The following AAK1 variants were observed in gnomAD, a reference collection of about 807,000 sequenced individuals.
AAK1 encodes AP2-associated protein kinase 1.
In AAK1, 37 loss-of-function variants were observed where a neutral mutation model predicts 116.0. The observed-to-expected ratio is 0.32, with a 90% CI of 0.25 to 0.42. The LOEUF (loss-of-function observed/expected upper bound fraction) is 0.42, where lower values mean the gene tolerates loss of function less well. Ranked by LOEUF, AAK1 falls within the 10% of genes least tolerant of loss-of-function variation. The pLI, the probability that AAK1 is intolerant of heterozygous loss-of-function variation, is 1.00. For synonymous variants in AAK1, 458 were observed against 439.9 expected, an observed-to-expected ratio of 1.04 and a Z score of -0.51; for missense variants, 919 against 1,170.6, an observed-to-expected ratio of 0.79 and a Z score of 3.14.
chr2:69,539,397 A>G (rs61430106), intron 5 of AAK1, among the ~76,000 whole-genome samples: 1 of 150,934 alleles, frequency 6.6e-6, no homozygotes, highest in Non-Finnish European at 1.5e-5. Context: ...ACCCCATTTG[A>G]CATGGAAGGG....
At chr2:69,537,785 T>A (rs559731915) in intron 5 of AAK1, among the ~76,000 whole-genome samples, 3 of 152,162 alleles carry the variant, frequency 2.0e-5, no homozygotes, top group South Asian at 4.1e-4. Context: ...CAGACAGCAA[T>A]AAAATCTAAC....
intron 2 of AAK1, among the ~76,000 whole-genome samples, chr2:69,610,593 A>G (rs1198654591): frequency 2.0e-5 from 3 of 152,262 alleles, no homozygotes; most frequent in Non-Finnish European, 4.4e-5. Flanking sequence ...GAAATACTGT[A>G]TTTATAAATC....
chr2:69,609,317 T>C (rs1673956187), intron 2 of AAK1, among the ~76,000 whole-genome samples: 1 of 152,044 alleles, frequency 6.6e-6, no homozygotes, highest in Non-Finnish European at 1.5e-5. Flanking sequence ...GAGCCAAGAT[T>C]GTGCCACTAC....
At position 69,464,578 on chromosome 2, in the gene AAK1, G is replaced by A. The variant is rs938612110; in HGVS notation, c.*11291C>T. On this transcript the variant is annotated 3_prime_UTR_variant, in exon 22 of 22. Coordinates refer to ENST00000409085, the MANE Select transcript of AAK1 (RefSeq NM_014911.5). ...GGCGAGCAAACACCAAAAAACGAGT[G>A]ATTTCATTGTGGAGGTAGGCATGAT... The A allele has an allele frequency of 2.6e-5, 4 of 152,542 alleles. No homozygotes were observed. Among genetic ancestry groups the A allele is most frequent in the African/African-American group, 7.2e-5 (3 of 41,424 alleles). The allele number at this position is 152,542 out of a possible 1,614,324, so 9.4% of individuals were successfully genotyped here. A position where few individuals can be genotyped will look rare whatever the true frequency, so the allele number is the denominator to read the frequency against.
At chr2:69,508,415 T>A (rs1676270134) in intron 14 of AAK1, among the ~76,000 whole-genome samples, 1 of 152,228 alleles carries the variant, frequency 6.6e-6, no homozygotes, top group South Asian at 2.1e-4. Flanking sequence ...TCTCTTAACT[T>A]CATTGAAAGA....
In AAK1 at chr2:69,507,567, G is replaced by C; in HGVS notation, c.2018C>G (p.Thr673Ser). The C allele has an allele frequency of 6.2e-7, 1 of 1,610,226 alleles. No homozygotes were observed. Among genetic ancestry groups the C allele is most frequent in the Non-Finnish European group, 8.5e-7 (1 of 1,178,040 alleles). Residue 673 changes from threonine to serine, a missense_variant, in exon 15 of 22, where the codon ACC (threonine) becomes AGC (serine). Thr to Ser is a moderately conservative substitution (Grantham distance 58). Around this residue, in one of 4 missense-constraint regions of AAK1, gnomAD observed 125 missense variants for 184.1 expected, o/e 0.68. Coordinates refer to ENST00000409085, the MANE Select transcript of AAK1 (RefSeq NM_014911.5). ...ASLNKSKSAT[T>S]TPSGSPRTSQ... ...GGTCCGAGGAGAGCCTGATGGAGTG[G>C]TGGTTGCAGACCTAGGTAGGTTCCC...
chr2:69,581,331 C>T (rs892975621), intron 2 of AAK1, among the ~76,000 whole-genome samples: 2 of 152,168 alleles, frequency 1.3e-5, no homozygotes, highest in African/African-American at 4.8e-5. Flanking sequence ...CTCCTGACCT[C>T]ATGATCCACC....
At chr2:69,476,078 C>A (rs1007146169) in intron 21 of AAK1, 115 bp from the exon 22 acceptor site, 1 of 1,468,062 alleles carries the variant, frequency 6.8e-7, no homozygotes, top group African/African-American at 1.4e-5. Flanking sequence ...AAAAAAAAAC[C>A]AAAAAAACCA....
rs913111958 is a variant in AAK1 at position 69,509,547 on chromosome 2, C to T, written c.1777-87G>A. On this transcript the variant is annotated intron_variant, in intron 13 of 21. Transcript: ENST00000409085. ...AAACAGATAAGTGTAACAACAACAA[C>T]AAAAAATGCCACATAAGCACTAACA... is the stretch of plus-strand genomic sequence containing the variant. 7.1e-6 allele frequency: 8 copies of T among 1,123,004 alleles called. No homozygotes were observed. In the African/African-American group the frequency reaches 7.9e-5, roughly 11 times the overall value. The allele number at this position is 1,123,004 out of a possible 1,614,324, so 69.6% of individuals were successfully genotyped here. A position where few individuals can be genotyped will look rare whatever the true frequency, so the allele number is the denominator to read the frequency against.
At chr2:69,497,610 A>G (rs577546709) in intron 16 of AAK1, among the ~76,000 whole-genome samples, 1 of 151,674 alleles carries the variant, frequency 6.6e-6, no homozygotes, top group Non-Finnish European at 1.5e-5. Flanking sequence ...ATACATAATC[A>G]TTCTTTACTT....
chr2:69,493,158 C>CAAAAAAAA lies in AAK1; in HGVS notation c.2365+2819_2365+2826dup, dbSNP rs574490585. 9.0e-3 allele frequency among the ~76,000 whole-genome samples: 336 copies of CAAAAAAAA among 37,528 alleles called. 56 individuals are homozygous for CAAAAAAAA. Among genetic ancestry groups the CAAAAAAAA allele is most frequent in the Middle Eastern group, 0.023 (2 of 86 alleles). 24.6% of individuals were successfully genotyped at this position (37,528 alleles called of 152,430 possible). On this transcript the variant is annotated intron_variant, in intron 17 of 21. Coordinates refer to ENST00000409085, the MANE Select transcript of AAK1 (RefSeq NM_014911.5). ...TGGGCGACAGAGCGAGACTCCGTCT[C>CAAAAAAAA]AAAAAAAAAAAAAAAAAAAGGATGC... is the stretch of plus-strand genomic sequence containing the variant.
At chr2:69,480,994 G>A in intron 18 of AAK1, 33 bp from the exon 19 acceptor site, 1 of 1,516,502 alleles carries the variant, frequency 6.6e-7, no homozygotes, top group Non-Finnish European at 9.0e-7. Context: ...AGAGGAAAGG[G>A]TAAGGGAAAG....
intron 17 of AAK1, among the ~76,000 whole-genome samples, chr2:69,495,595 C>A (rs1033684254): frequency 1.6e-4 from 24 of 152,144 alleles, no homozygotes; most frequent in Non-Finnish European, 3.4e-4. Context: ...ATCCCATGAT[C>A]ACACTATCAC....
chr2:69,533,225 C>T (rs2105029429), intron 5 of AAK1, among the ~76,000 whole-genome samples: 1 of 152,250 alleles, frequency 6.6e-6, no homozygotes, highest in East Asian at 1.9e-4. Context: ...TTCTTATAAT[C>T]ATATTCTTGG....
chr2:69,626,002 T>C (rs1039509287), intron 2 of AAK1, among the ~76,000 whole-genome samples: 3 of 152,170 alleles, frequency 2.0e-5, no homozygotes, highest in African/African-American at 7.2e-5. Context: ...ACCCAATTTC[T>C]CTTCCTCTGT....
chr2:69,587,302 C>T (rs536685276), intron 2 of AAK1, among the ~76,000 whole-genome samples: 4 of 150,368 alleles, frequency 2.7e-5, no homozygotes, highest in East Asian at 2.0e-4. Flanking sequence ...CACGTATATA[C>T]GCATGTATAT....
In AAK1 at chr2:69,467,349, G is replaced by T; in HGVS notation, c.*8520C>A. Reference sequence around the variant, plus strand: ...ATACTAGTCTATTTCTATCTAGGTAGAGGTGCCTCAGGGTGCTCTGGCTTT... The same window carrying T: ...ATACTAGTCTATTTCTATCTAGGTATAGGTGCCTCAGGGTGCTCTGGCTTT... On this transcript the variant is annotated 3_prime_UTR_variant, in exon 22 of 22. Transcript: ENST00000409085. 1 of 985,442 alleles carries T rather than the reference G, an allele frequency of 1.0e-6. No homozygotes were observed. The highest frequency in any genetic ancestry group is 1.2e-6 in the Non-Finnish European group (1 of 829,934). The allele number at this position is 985,442 out of a possible 1,614,324, so 61.0% of individuals were successfully genotyped here.
chr2:69,527,342 T>A (rs1670068667), intron 8 of AAK1, 23 bp from the exon 9 acceptor site: 1 of 1,432,742 alleles, frequency 7.0e-7, no homozygotes, highest in Admixed American at 1.8e-5. Flanking sequence ...TGTGAATTTA[T>A]TTAATAATAT....
chr2:69,553,760 A>C (rs1671281401), intron 3 of AAK1, among the ~76,000 whole-genome samples: 1 of 151,610 alleles, frequency 6.6e-6, no homozygotes, highest in Non-Finnish European at 1.5e-5. Flanking sequence ...AAAGTTCAAA[A>C]AAATTTATCT....
Sources: gnomAD v4.1 joint callset for allele counts (sites outside exome capture counted in the v4.1 genomes callset) on GRCh38, gnomAD v4.1.1 for gene constraint, gnomAD v4.1.1 regional missense constraint, MANE v1.5 for transcripts, NCBI Gene and HGNC (gene_info 2026-07-23, HGNC 2026-07-21) for gene names.